Variants in RBFOX1 observed in about 807,000 individuals in gnomAD.
RBFOX1 encodes the protein RNA binding fox-1 homolog 1, also known as RNA binding protein fox-1 homolog 1.
A neutral mutation model predicts 57.7 loss-of-function variants in RBFOX1; 8 were observed. The observed-to-expected ratio is 0.14, with a 90% confidence interval of 0.08 to 0.25. RBFOX1 has a LOEUF of 0.25. Ranked by LOEUF, RBFOX1 falls within the 10% of genes least tolerant of loss-of-function variation. The pLI is 1.00. For missense variants in RBFOX1, 611 were observed against 548.5 expected (o/e 1.11, Z -1.14); for synonymous variants, 326 against 222.4 (o/e 1.47, Z -4.15).
chr16:6,191,028 AC>A (rs1462830326), intron 1 of RBFOX1, among the ~76,000 whole-genome samples: 1 of 151,786 alleles, frequency 6.6e-6, no homozygotes, highest in Non-Finnish European at 1.5e-5. Flanking sequence ...TTTGACCTTG[AC>A]AGCCAAGGTC....
chr16:6,697,462 A>G (rs2061223591), intron 3 of RBFOX1, among the ~76,000 whole-genome samples: 1 of 152,234 alleles, frequency 6.6e-6, no homozygotes, highest in African/African-American at 2.4e-5. Flanking sequence ...GACTGACTTC[A>G]GGAATTAAGG....
At chr16:7,688,915 C>G (rs188712039) in intron 14 of RBFOX1, among the ~76,000 whole-genome samples, 13 of 152,158 alleles carry the variant, frequency 8.5e-5, no homozygotes, top group Admixed American at 7.2e-4. Flanking sequence ...AGACATCACA[C>G]CTCACTGCTG....
chr16:5,558,886 T>A (rs910184127), intron 2 of RBFOX1, among the ~76,000 whole-genome samples: 1 of 152,104 alleles, frequency 6.6e-6, no homozygotes, highest in South Asian at 2.1e-4. Context: ...CTGGAGAACT[T>A]GTTAAAATGT....
chr16:6,020,273 C>G (rs551777759), intron 1 of RBFOX1, among the ~76,000 whole-genome samples: 1 of 152,234 alleles, frequency 6.6e-6, no homozygotes, highest in East Asian at 2.0e-4. Flanking sequence ...CAGGCTACCT[C>G]GTCCGTCCTC....
chr16:7,011,602 A>C (rs910467294), intron 3 of RBFOX1, among the ~76,000 whole-genome samples: 2 of 152,070 alleles, frequency 1.3e-5, no homozygotes, highest in Non-Finnish European at 2.9e-5. Flanking sequence ...CAAGCTCCGC[A>C]TCCCGGGTTC....
chr16:7,432,726 G>A (rs2098692011), intron 4 of RBFOX1, among the ~76,000 whole-genome samples: 1 of 152,180 alleles, frequency 6.6e-6, no homozygotes, highest in South Asian at 2.1e-4. Flanking sequence ...CATAGTTTGA[G>A]AGCCCTGTCC....
intron 3 of RBFOX1, among the ~76,000 whole-genome samples, chr16:6,819,942 A>T (rs190029491): frequency 1.2e-4 from 19 of 152,204 alleles, no homozygotes; most frequent in African/African-American, 4.6e-4. Context: ...AGGTGATGTC[A>T]TCTGGTATTT....
chr16:5,495,009 G>A (rs576964235), intron 2 of RBFOX1, among the ~76,000 whole-genome samples: 1 of 152,152 alleles, frequency 6.6e-6, no homozygotes, highest in Non-Finnish European at 1.5e-5. Flanking sequence ...TAGTGTATTA[G>A]TTCGTTCTCA....
Position 5,822,490 on chromosome 16 carries a change from T to G in RBFOX1, c.319-44813T>G, listed in dbSNP as rs575693401. ...AAGTTATTTATAATTGAGTGGGTTC[T>G]CACTAATAATAGTAATAAATAAGTT... On this transcript the variant is annotated intron_variant, in intron 3 of 19. Coordinates refer to the RBFOX1 transcript ENST00000641259. Among the ~76,000 whole-genome samples, 599 of 152,360 alleles carry G rather than the reference T, an allele frequency of 3.9e-3. 3 individuals carry two copies. Among genetic ancestry groups the G allele is most frequent in the Middle Eastern group, 0.02 (6 of 294 alleles).
Position 7,317,449 on chromosome 16 carries a change from C to G in RBFOX1, c.28-200698C>G, listed in dbSNP as rs1003703312. Among the ~76,000 whole-genome samples, 6 of 152,238 alleles carry G rather than the reference C, an allele frequency of 3.9e-5. No individual in the cohort carries two copies. In the South Asian group the frequency reaches 1.2e-3, roughly 32 times the overall value. Reference sequence around the variant, plus strand: ...ATCACCACCACTATCACCACTGTCACCAATCCAGTGCTATTATCACCACCA... The same window carrying G: ...ATCACCACCACTATCACCACTGTCAGCAATCCAGTGCTATTATCACCACCA... On this transcript the variant is annotated intron_variant, in intron 4 of 15. Transcript: ENST00000550418.
intron 2 of RBFOX1, among the ~76,000 whole-genome samples, chr16:6,636,684 T>C (rs1256206948): frequency 1.3e-5 from 2 of 148,566 alleles, no homozygotes; most frequent in East Asian, 3.9e-4. Flanking sequence ...ACATAAACAT[T>C]TATATTCTAT....
chr16:5,609,244 C>T (rs1391060995), intron 3 of RBFOX1, among the ~76,000 whole-genome samples: 1 of 152,156 alleles, frequency 6.6e-6, no homozygotes, highest in Non-Finnish European at 1.5e-5. Flanking sequence ...TATTCATTAC[C>T]CGAATTGGTA....
chr16:5,546,421 A>G (rs139082922), intron 2 of RBFOX1, among the ~76,000 whole-genome samples: 17 of 152,322 alleles, frequency 1.1e-4, no homozygotes, highest in African/African-American at 4.1e-4. Context: ...TTAAAGATTT[A>G]TTACAAAGCT....
At chr16:6,148,966 A>G (rs896627820) in intron 1 of RBFOX1, among the ~76,000 whole-genome samples, 7 of 152,166 alleles carry the variant, frequency 4.6e-5, no homozygotes, top group Admixed American at 2.6e-4. Context: ...ACGTAGAAGA[A>G]AAAAAAGAAA....
chr16:5,478,187 G>A (rs985911363), intron 2 of RBFOX1, among the ~76,000 whole-genome samples: 7 of 152,150 alleles, frequency 4.6e-5, no homozygotes, highest in Non-Finnish European at 1.0e-4. Flanking sequence ...AAATTTCAGA[G>A]CCTTGGCATT....
chr16:6,175,072 A>T (rs1712073267), intron 1 of RBFOX1, among the ~76,000 whole-genome samples: 1 of 152,222 alleles, frequency 6.6e-6, no homozygotes, highest in South Asian at 2.1e-4. Flanking sequence ...TTATAAAGAT[A>T]AAATGAGTTA....
At chr16:6,865,261 C>A (rs1055945230) in intron 3 of RBFOX1, among the ~76,000 whole-genome samples, 1 of 151,794 alleles carries the variant, frequency 6.6e-6, no homozygotes, top group African/African-American at 2.4e-5. Context: ...CCTTGGCCTC[C>A]CACAGTACTG....
intron 14 of RBFOX1, among the ~76,000 whole-genome samples, chr16:7,705,596 T>C (rs955214429): frequency 6.6e-6 from 1 of 152,338 alleles, no homozygotes; most frequent in Non-Finnish European, 1.5e-5. Context: ...AGAGGCAGCT[T>C]ATTCAAGTTT....
intron 1 of RBFOX1, among the ~76,000 whole-genome samples, chr16:6,188,792 C>T (rs1484432818): frequency 1.3e-5 from 2 of 152,160 alleles, no homozygotes; most frequent in African/African-American, 4.8e-5. Flanking sequence ...TGTCCCAAAC[C>T]TTCCTACCGC....
Sources: gnomAD v4.1 joint callset for allele counts (sites outside exome capture counted in the v4.1 genomes callset) on GRCh38, gnomAD v4.1.1 for gene constraint, MANE v1.5 for transcripts, NCBI Gene and HGNC (gene_info 2026-07-23, HGNC 2026-07-21) for gene names.